Variants in CFAP97 observed in about 807,000 individuals in gnomAD.
CFAP97 encodes the protein cilia and flagella associated protein 97.
Under a neutral mutation model 43.1 loss-of-function variants are expected in CFAP97, and 36 were observed. The observed-to-expected ratio is 0.84, with a 90% CI of 0.64 to 1.10. The LOEUF (loss-of-function observed/expected upper bound fraction) is 1.10. CFAP97 is among the 50% of genes least tolerant of loss of function. The pLI, the probability that CFAP97 is intolerant of heterozygous loss-of-function variation, is 0.00. For synonymous variants in CFAP97, 228 were observed against 225.7 expected (o/e 1.01, Z -0.09); for missense variants, 657 against 620.3 (o/e 1.06, Z -0.63).
At chr4:185,184,457 TAAG>T (rs372725779) in intron 2 of CFAP97, among the ~76,000 whole-genome samples, 1 of 152,274 alleles carries the variant, frequency 6.6e-6, no homozygotes, top group Non-Finnish European at 1.5e-5. Context: ...CAAATTTCTT[TAAG>T]AAGTTTCCTC....
intron 4 of CFAP97, 29 bp downstream of exon 4, chr4:185,164,000 A>G (rs966594063): frequency 1.3e-6 from 2 of 1,591,310 alleles, no homozygotes; most frequent in Non-Finnish European, 1.7e-6. Flanking sequence ...AGATACAAAT[A>G]AGTATAAAAT....
chr4:185,204,577 G>A (rs1298072823), upstream of CFAP97: 1 of 152,234 alleles, frequency 6.6e-6, no homozygotes, highest in African/African-American at 2.4e-5. Context: ...CCCCAAAAAT[G>A]TGCACCTCCT....
At chr4:185,182,512 C>G (rs1314794168) in intron 2 of CFAP97, 1 of 152,202 alleles carries the variant, frequency 6.6e-6, no homozygotes, top group African/African-American at 2.4e-5. Flanking sequence ...CCTTCTTCCA[C>G]TATTTCTCAC....
intron 1 of CFAP97, among the ~76,000 whole-genome samples, chr4:185,197,471 G>A (rs954002175): frequency 6.6e-5 from 10 of 151,658 alleles, no homozygotes; most frequent in Admixed American, 6.6e-4. Flanking sequence ...AGTCTCCCAG[G>A]CTGGAGCGCA....
intron 1 of CFAP97, among the ~76,000 whole-genome samples, chr4:185,195,083 T>C (rs1030636324): frequency 8.5e-5 from 13 of 152,170 alleles, no homozygotes; most frequent in Non-Finnish European, 1.5e-4. Flanking sequence ...GAGGAACAAC[T>C]TTACTGTCTA....
chr4:185,183,790 C>G (rs1735898638), intron 2 of CFAP97, among the ~76,000 whole-genome samples: 1 of 152,188 alleles, frequency 6.6e-6, no homozygotes, highest in South Asian at 2.1e-4. Flanking sequence ...CATGTTTGTT[C>G]CTGCGCCTTA....
chr4:185,194,093 T>C (rs1390592849), intron 1 of CFAP97, among the ~76,000 whole-genome samples: 1 of 152,192 alleles, frequency 6.6e-6, no homozygotes, highest in Non-Finnish European at 1.5e-5. Context: ...GGTATATGTA[T>C]TGTCTCCCCC....
chr4:185,198,860 G>C (rs144083299), intron 1 of CFAP97, among the ~76,000 whole-genome samples: 3 of 152,042 alleles, frequency 2.0e-5, no homozygotes, highest in Admixed American at 6.6e-5. Context: ...ATCTAGCTAA[G>C]AGAATTGCTG....
chr4:185,168,296 C>CT (rs11372860), intron 3 of CFAP97, among the ~76,000 whole-genome samples: 146,776 of 149,076 alleles, frequency 0.98, 72,266 homozygotes, highest in Middle Eastern at 1. Flanking sequence ...AGTTTGCCCA[C>CT]TTTTTTTTTT....
At chr4:185,202,256 A>G (rs572310619) in intron 1 of CFAP97, among the ~76,000 whole-genome samples, 7 of 152,168 alleles carry the variant, frequency 4.6e-5, no homozygotes, top group Non-Finnish European at 8.8e-5. Flanking sequence ...GTGGCTGGGC[A>G]TGGAGGCTCA....
intron 3 of CFAP97, among the ~76,000 whole-genome samples, chr4:185,174,052 T>G (rs1735418907): frequency 6.6e-6 from 1 of 152,192 alleles, no homozygotes; most frequent in Admixed American, 6.5e-5. Context: ...TGACACCTGC[T>G]AGCCGTGTGA....
At chr4:185,201,307 C>A (rs1023827606) in intron 1 of CFAP97, among the ~76,000 whole-genome samples, 12 of 120,550 alleles carry the variant, frequency 1.0e-4, no homozygotes, top group African/African-American at 4.0e-4. Context: ...GCCCAGGCGA[C>A]AGAGCAAGAC....
intron 2 of CFAP97, among the ~76,000 whole-genome samples, chr4:185,176,810 T>A (rs1204192514): frequency 1.3e-5 from 2 of 152,120 alleles, no homozygotes; most frequent in Non-Finnish European, 2.9e-5. Context: ...AGGGAAACAA[T>A]GGCAAAAAGT....
upstream of CFAP97, among the ~76,000 whole-genome samples, chr4:185,205,213 C>T (rs536383963): frequency 2.6e-5 from 4 of 152,140 alleles, no homozygotes; most frequent in South Asian, 4.1e-4. Flanking sequence ...CCCAGCACTT[C>T]GGGAGGCCGA....
In CFAP97 at chr4:185,176,013, G is replaced by C; in HGVS notation, c.1093C>G (p.His365Asp). 1 of 1,607,154 alleles carries C rather than the reference G, an allele frequency of 6.2e-7. No individual in the cohort carries two copies. Residue 365 changes from histidine (H) to aspartate (D), a missense_variant, in exon 3 of 5, where the codon CAC (histidine) becomes GAC (aspartate). His to Asp is a moderately conservative substitution (Grantham distance 81). Coordinates refer to ENST00000458385, the MANE Select transcript of CFAP97 (RefSeq NM_020827.3). ...GGTGCTACTGAAGGCTGATCAAAGT[G>C]ATGTTTTTGTGGTCCTTTTTTATCT... ...QLDKKGPQKH[H>D]FDQPSVAPGK...
chr4:185,163,036 G>A (rs1420779469), intron 4 of CFAP97, 111 bp from the exon 5 acceptor site: 17 of 915,182 alleles, frequency 1.9e-5, no homozygotes, highest in Admixed American at 1.3e-4. Flanking sequence ...TATGATTCTC[G>A]ACTAGGATGC....
upstream of CFAP97, chr4:185,210,134 C>T (rs1737499494): frequency 1.0e-6 from 1 of 984,022 alleles, no homozygotes; most frequent in Non-Finnish European, 1.2e-6. This position sits in a 1 kb window ranked among gnomAD's most constrained non-coding sequence, Gnocchi z 4.4. Context: ...TGCGCGGCGG[C>T]CGCCTTCCTG....
chr4:185,179,900 T>G (rs192119678), intron 2 of CFAP97, among the ~76,000 whole-genome samples: 49 of 152,326 alleles, frequency 3.2e-4, no homozygotes, highest in Non-Finnish European at 5.9e-5. Context: ...TTCCCAAATG[T>G]TATTTTCCAG....
chr4:185,175,931 T>C lies in CFAP97; in HGVS notation c.1175A>G (p.Gln392Arg). The C allele has an allele frequency of 6.2e-7, 1 of 1,613,968 alleles. No individual in the cohort carries two copies. Among genetic ancestry groups the C allele is most frequent in the Non-Finnish European group, 8.5e-7 (1 of 1,179,888 alleles). ...EEVRQIDREN[Q>R]RLLKELSRQA... ...TCTTGACAGTTCTTTCAAAAGCCTCTGATTTTCCCGATCGATCTGTCTCAC... is the reference window on the plus strand; with the variant it reads ...TCTTGACAGTTCTTTCAAAAGCCTCCGATTTTCCCGATCGATCTGTCTCAC... Residue 392 changes from glutamine to arginine, a missense_variant, in exon 3 of 5, where the codon CAG (glutamine) becomes CGG (arginine). Physicochemically the swap from Gln to Arg is conservative, Grantham distance 43. Coordinates refer to ENST00000458385, the MANE Select transcript of CFAP97 (RefSeq NM_020827.3).
Sources: allele counts gnomAD v4.1 joint callset (sites outside exome capture counted in the v4.1 genomes callset), GRCh38; gene constraint gnomAD v4.1.1; non-coding constraint Gnocchi (gnomAD v3.1); transcripts MANE v1.5; gene names NCBI Gene and HGNC (gene_info 2026-07-23, HGNC 2026-07-21).